Variants in GLIPR2 observed in about 807,000 individuals in gnomAD.
GLIPR2 encodes the protein GLI pathogenesis related 2, also known as Golgi-associated plant pathogenesis-related protein 1.
In GLIPR2, 21 loss-of-function variants were observed where a neutral mutation model predicts 20.4. The observed-to-expected ratio is 1.03, with a 90% CI of 0.73 to 1.48. The LOEUF is 1.48. Among genes scored for constraint, GLIPR2 ranks in the 40% most tolerant of loss-of-function variants. The pLI is 0.00. For missense variants in GLIPR2, 205 were observed against 200.1 expected, an observed-to-expected ratio of 1.02 and a Z score of -0.15; for synonymous variants, 91 against 80.5, an observed-to-expected ratio of 1.13 and a Z score of -0.70.
chr9:36,149,517 G>T (rs1825489052), intron 3 of GLIPR2, among the ~76,000 whole-genome samples: 1 of 151,624 alleles, frequency 6.6e-6, no homozygotes, highest in African/African-American at 2.4e-5. Context: ...TCCTTCCCAA[G>T]TCCAGGCTGT....
intron 3 of GLIPR2, 89 bp downstream of exon 3, chr9:36,148,739 G>A (rs537174355): frequency 1.3e-5 from 11 of 832,576 alleles, no homozygotes; most frequent in African/African-American, 8.4e-5. Context: ...CAGCACCCTC[G>A]TGGTGTAGCC....
At chr9:36,157,386 G>A (rs140217270) in intron 4 of GLIPR2, among the ~76,000 whole-genome samples, 14,306 of 148,688 alleles carry the variant, frequency 0.096, 725 homozygotes, top group Non-Finnish European at 0.11. Flanking sequence ...TCATTCTGTC[G>A]CCCAGGCTGG....
chr9:36,141,979 G>A (rs1825110464), intron 1 of GLIPR2: 1 of 418,032 alleles, frequency 2.4e-6, no homozygotes. Context: ...CAGCCCTGGG[G>A]AGCCAGGCCC....
intron 4 of GLIPR2, among the ~76,000 whole-genome samples, chr9:36,152,952 C>CA (rs67296666): frequency 0.072 from 1,016 of 14,034 alleles, 322 homozygotes; most frequent in Middle Eastern, 0.17. Flanking sequence ...ACTGAAAGTG[C>CA]AAAAAAAAAA....
intron 4 of GLIPR2, among the ~76,000 whole-genome samples, chr9:36,158,093 G>A (rs145805824): frequency 0.018 from 2,744 of 152,252 alleles, 33 homozygotes; most frequent in Non-Finnish European, 0.027. Flanking sequence ...GATTACAGGC[G>A]TGAGCCACTG....
Position 36,148,536 on chromosome 9 carries a change from G to T in GLIPR2, c.123-11G>T. On this transcript the variant is annotated splice_polypyrimidine_tract_variant and intron_variant, in intron 2 of 4. Coordinates refer to ENST00000377960, the MANE Select transcript of GLIPR2 (RefSeq NM_022343.4). ...TGCACCTGCTCTGAGGAGGCGCTGT[G>T]AACTCTGCAGGTATTCTGAGGCCCT... is the stretch of plus-strand genomic sequence containing the variant. The T allele has an allele frequency of 6.2e-7, 1 of 1,606,616 alleles. No homozygotes were observed. Among genetic ancestry groups the T allele is most frequent in the South Asian group, 1.1e-5 (1 of 90,886 alleles).
intron 4 of GLIPR2, among the ~76,000 whole-genome samples, chr9:36,160,175 C>T (rs565942416): frequency 6.6e-6 from 1 of 152,186 alleles, no homozygotes; most frequent in Non-Finnish European, 1.5e-5. Context: ...AGGCATGCAC[C>T]ACCATGCCCG....
At chr9:36,161,058 A>G (rs941684906) in intron 4 of GLIPR2, among the ~76,000 whole-genome samples, 1 of 152,076 alleles carries the variant, frequency 6.6e-6, no homozygotes. Flanking sequence ...AAAAGAAAAG[A>G]AAAAGAAAAT....
intron 1 of GLIPR2, among the ~76,000 whole-genome samples, chr9:36,137,257 C>A (rs1057240342): frequency 2.0e-5 from 3 of 152,206 alleles, no homozygotes; most frequent in Non-Finnish European, 4.4e-5. Flanking sequence ...TAGGCTCGGT[C>A]TGGCTCCCTT....
At chr9:36,159,811 C>T (rs946428674) in intron 4 of GLIPR2, among the ~76,000 whole-genome samples, 5 of 152,096 alleles carry the variant, frequency 3.3e-5, no homozygotes, top group Admixed American at 2.0e-4. Context: ...ACTAAAAATA[C>T]AACAATTAGC....
intron 2 of GLIPR2, 61 bp from the exon 3 acceptor site, chr9:36,148,486 C>T (rs1455231475): frequency 8.2e-6 from 10 of 1,220,364 alleles, no homozygotes; most frequent in Non-Finnish European, 4.8e-6. Context: ...TAGCTTGGGG[C>T]ACATACTTTG....
chr9:36,163,199 A>G lies in GLIPR2; in HGVS notation c.*677A>G. On this transcript the variant is annotated 3_prime_UTR_variant, in exon 5 of 5. Transcript: ENST00000377960. Reference sequence around the variant, plus strand: ...TACCTTTAAATAGCAAAGTACCACTACCACCACCACCTCTTGCCCCCTTCC... The same window carrying G: ...TACCTTTAAATAGCAAAGTACCACTGCCACCACCACCTCTTGCCCCCTTCC... 1 of 253,120 alleles carries G rather than the reference A, an allele frequency of 4.0e-6. No homozygotes were observed. Among genetic ancestry groups the G allele is most frequent in the Non-Finnish European group, 7.8e-6 (1 of 127,556 alleles). The allele number at this position is 253,120 out of a possible 1,614,324, so 15.7% of individuals were successfully genotyped here.
intron 3 of GLIPR2, among the ~76,000 whole-genome samples, chr9:36,150,614 G>A (rs974129723): frequency 1.3e-5 from 2 of 152,190 alleles, no homozygotes; most frequent in African/African-American, 4.8e-5. Context: ...ATGGGTTGTG[G>A]GGGATAGGTG....
At chr9:36,144,257 ACCATGCTAAC>A (rs1825221915) in intron 1 of GLIPR2, 1 of 152,198 alleles carries the variant, frequency 6.6e-6, no homozygotes. Context: ...ATACCACATT[ACCATGCTAAC>A]CCTGAAATCT....
chr9:36,162,946 TAAG>T lies in GLIPR2; in HGVS notation c.*426_*428del, dbSNP rs1339544831. The T allele has an allele frequency of 2.2e-6, 1 of 452,718 alleles. No individual in the cohort carries two copies. Among genetic ancestry groups the T allele is most frequent in the Admixed American group, 2.4e-5 (1 of 41,498 alleles). 28.0% of individuals were successfully genotyped at this position (452,718 alleles called of 1,614,324 possible). Reference sequence around the variant, plus strand: ...TCGTAATCTACTTTTGGTAGATAATTAAGATTATTAAACCCTCATTTAAATGTG... The same window carrying T: ...TCGTAATCTACTTTTGGTAGATAATTATTATTAAACCCTCATTTAAATGTG... On this transcript the variant is annotated 3_prime_UTR_variant, in exon 5 of 5. Coordinates refer to ENST00000377960, the MANE Select transcript of GLIPR2 (RefSeq NM_022343.4).
At chr9:36,152,313 A>G (rs1175322197) in intron 4 of GLIPR2, among the ~76,000 whole-genome samples, 1 of 152,080 alleles carries the variant, frequency 6.6e-6, no homozygotes, top group African/African-American at 2.4e-5. Flanking sequence ...TTTAATAGAG[A>G]TGGTGTCCAG....
At chr9:36,143,746 CCAAG>C (rs1825195022) in intron 1 of GLIPR2, among the ~76,000 whole-genome samples, 1 of 152,150 alleles carries the variant, frequency 6.6e-6, no homozygotes, top group Non-Finnish European at 1.5e-5. Context: ...CTGAGTCCCT[CCAAG>C]AGGGACTCAC....
upstream of GLIPR2, chr9:36,136,690 C>T: frequency 6.1e-6 from 6 of 985,692 alleles, no homozygotes; most frequent in Non-Finnish European, 7.8e-6. This position sits in a 1 kb window ranked among gnomAD's most constrained non-coding sequence, Gnocchi z 4.3. Context: ...GCCGCGGCAT[C>T]AGCCCGGTCC....
Position 36,162,973 on chromosome 9 carries a change from T to G in GLIPR2, c.*451T>G. 2.2e-6 allele frequency: 1 copy of G among 447,034 alleles called. No homozygotes were observed. Among genetic ancestry groups the G allele is most frequent in the South Asian group, 1.6e-5 (1 of 61,706 alleles). 27.7% of individuals were successfully genotyped at this position (447,034 alleles called of 1,614,324 possible). A position where few individuals can be genotyped will look rare whatever the true frequency, so the allele number is the denominator to read the frequency against. Reference sequence around the variant, plus strand: ...AGATTATTAAACCCTCATTTAAATGTGACATAAAATACAGCTTTAAGCACA... The same window carrying G: ...AGATTATTAAACCCTCATTTAAATGGGACATAAAATACAGCTTTAAGCACA... On this transcript the variant is annotated 3_prime_UTR_variant, in exon 5 of 5. Coordinates refer to ENST00000377960, the MANE Select transcript of GLIPR2 (RefSeq NM_022343.4).
Sources: gnomAD v4.1 joint callset for allele counts (sites outside exome capture counted in the v4.1 genomes callset) on GRCh38, gnomAD v4.1.1 for gene constraint, Gnocchi (gnomAD v3.1) non-coding constraint, MANE v1.5 for transcripts, NCBI Gene and HGNC (gene_info 2026-07-23, HGNC 2026-07-21) for gene names.